The following TAB1 variants were observed in gnomAD, a reference collection of about 807,000 sequenced individuals.
TAB1 encodes TGF-beta activated kinase 1 (MAP3K7) binding protein 1, also known as TGF-beta-activated kinase 1 and MAP3K7-binding protein 1.
A neutral mutation model predicts 54.5 loss-of-function variants in TAB1; 30 were observed. That is an observed-to-expected ratio of 0.55 (90% CI 0.41 to 0.75). The LOEUF (loss-of-function observed/expected upper bound fraction) is 0.75. Ranked by LOEUF, TAB1 falls within the 30% of genes least tolerant of loss-of-function variation. The pLI is 0.00. For missense variants in TAB1, 609 were observed against 683.2 expected (o/e 0.89, Z 1.21); for synonymous variants, 289 against 286.9 (o/e 1.01, Z -0.07).
intron 6 of TAB1, among the ~76,000 whole-genome samples, chr22:39,419,129 C>T (rs1315813895): frequency 6.6e-6 from 1 of 152,212 alleles, no homozygotes; most frequent in Non-Finnish European, 1.5e-5. Flanking sequence ...GAGTGCCTGG[C>T]ACACAGAAGA....
intron 6 of TAB1, 136 bp from the exon 7 acceptor site, chr22:39,419,383 A>C: frequency 4.7e-6 from 3 of 641,732 alleles, no homozygotes; most frequent in Non-Finnish European, 7.9e-6. Context: ...CTGCTCTCCC[A>C]GGTGCCCTGG....
downstream of TAB1, chr22:39,433,174 G>C (rs972007118): frequency 1.0e-6 from 1 of 985,406 alleles, no homozygotes; most frequent in Non-Finnish European, 1.2e-6. Context: ...AGTCTCGGCC[G>C]GGCGCGGTGG....
In TAB1 at chr22:39,416,626, C is replaced by T. The variant is rs1926844582; in HGVS notation, c.325-165C>T. The T allele has an allele frequency of 1.0e-5, 7 of 679,700 alleles. No homozygotes were observed. The Admixed American group carries it at 1.4e-4, about 14-fold the overall frequency. The allele number at this position is 679,700 out of a possible 1,614,324, so 42.1% of individuals were successfully genotyped here. A position where few individuals can be genotyped will look rare whatever the true frequency, so the allele number is the denominator to read the frequency against. On this transcript the variant is annotated intron_variant, in intron 3 of 10. Coordinates refer to ENST00000216160, the MANE Select transcript of TAB1 (RefSeq NM_006116.3). ...ATTGATCTGCAGGAAGCAGCCGGTG[C>T]CTTGCAGTGCTGGGCCAGAGGCAGG...
At chr22:39,409,045 G>A (rs771029859) in intron 1 of TAB1, among the ~76,000 whole-genome samples, 2 of 152,194 alleles carry the variant, frequency 1.3e-5, no homozygotes, top group Non-Finnish European at 2.9e-5. Flanking sequence ...ATGAGAGGAT[G>A]AGTTCATCTT....
chr22:39,431,394 C>G lies in TAB1; in HGVS notation c.*1172C>G, dbSNP rs1198962407. 1 of 985,406 alleles carries G rather than the reference C, an allele frequency of 1.0e-6. No homozygotes were observed. The highest frequency in any genetic ancestry group is 1.2e-6 in the Non-Finnish European group (1 of 830,010). 61.0% of individuals were successfully genotyped at this position (985,406 alleles called of 1,614,324 possible). On this transcript the variant is annotated 3_prime_UTR_variant, in exon 11 of 11. Coordinates refer to ENST00000216160, the MANE Select transcript of TAB1 (RefSeq NM_006116.3). Reference sequence around the variant, plus strand: ...CCAAGCCACACAATCAGTGGGGCAGCCAGAGCTCAGACCTGAGCCATTTTG... The same window carrying G: ...CCAAGCCACACAATCAGTGGGGCAGGCAGAGCTCAGACCTGAGCCATTTTG...
At chr22:39,424,213 A>G (rs949053938) in intron 8 of TAB1, among the ~76,000 whole-genome samples, 1 of 152,210 alleles carries the variant, frequency 6.6e-6, no homozygotes, top group Non-Finnish European at 1.5e-5. Flanking sequence ...TCCATAGTTT[A>G]TAGATACATT....
intron 1 of TAB1, among the ~76,000 whole-genome samples, chr22:39,405,171 G>C (rs183325565): frequency 1.3e-5 from 2 of 152,322 alleles, no homozygotes; most frequent in Admixed American, 1.3e-4. Context: ...AGATGAGTCT[G>C]TGTGGGTACT....
chr22:39,433,685 C>T (rs539118005), downstream of TAB1: 122 of 985,424 alleles, frequency 1.2e-4, no homozygotes, highest in African/African-American at 2.1e-3. Context: ...GCAGAGCAGG[C>T]TCCCCACGAT....
intron 9 of TAB1, among the ~76,000 whole-genome samples, chr22:39,427,208 T>C (rs890996956): frequency 6.6e-6 from 1 of 152,230 alleles, no homozygotes; most frequent in Non-Finnish European, 1.5e-5. Context: ...ATAGAGATGA[T>C]GGCCACCACT....
At chr22:39,424,249 GCCACTTAGGCTGGTT>G (rs747291009) in intron 8 of TAB1, among the ~76,000 whole-genome samples, 12 of 152,078 alleles carry the variant, frequency 7.9e-5, no homozygotes, top group Non-Finnish European at 1.3e-4. Context: ...TTAGTCAATG[GCCACTTAGGCTGGTT>G]CCACATCTTT....
At chr22:39,418,099 G>T (rs73885214) in intron 5 of TAB1, among the ~76,000 whole-genome samples, 9 of 152,154 alleles carry the variant, frequency 5.9e-5, no homozygotes, top group Admixed American at 3.9e-4. Flanking sequence ...TGGACGAGTC[G>T]TATCCCATTC....
downstream of TAB1, chr22:39,431,921 C>T (rs1012316861): frequency 3.1e-5 from 30 of 976,124 alleles, no homozygotes; most frequent in Admixed American, 6.2e-5. Flanking sequence ...TCGCAGTGGC[C>T]CTGGGAAGTG....
At chr22:39,420,928 T>TG (rs1569199384) in intron 7 of TAB1, among the ~76,000 whole-genome samples, 12 of 82,092 alleles carry the variant, frequency 1.5e-4, no homozygotes, top group Non-Finnish European at 2.3e-4. Context: ...GTGTGTGTGT[T>TG]TGTCCTGGGG....
chr22:39,406,481 T>C (rs998727016), intron 1 of TAB1, among the ~76,000 whole-genome samples: 8 of 151,214 alleles, frequency 5.3e-5, no homozygotes, highest in African/African-American at 1.9e-4. Context: ...GGTTTGGGAA[T>C]CATGGGCCTC....
At chr22:39,417,974 C>T (rs1006713757) in intron 5 of TAB1, 125 bp downstream of exon 5, 5 of 1,263,298 alleles carry the variant, frequency 4.0e-6, no homozygotes, top group Admixed American at 3.0e-5. Context: ...CTCCTGAGAC[C>T]GTTGGGTATG....
At chr22:39,411,520 A>T (rs116753874) in intron 1 of TAB1, among the ~76,000 whole-genome samples, 172 of 152,354 alleles carry the variant, frequency 1.1e-3, no homozygotes, top group African/African-American at 3.9e-3. Flanking sequence ...GGAAGTGCAG[A>T]TTAAAGTCAC....
chr22:39,434,384 C>T (rs974914859), downstream of TAB1, among the ~76,000 whole-genome samples: 5 of 152,280 alleles, frequency 3.3e-5, no homozygotes, highest in African/African-American at 1.2e-4. Flanking sequence ...GTTCTGGCCT[C>T]TTCACAGCCG....
At position 39,415,176 on chromosome 22, in the gene TAB1, G is replaced by A. The variant is rs535718723; in HGVS notation, c.170+34G>A. ...GCCAGCATTTCTGTGTTGGGCCCGG[G>A]GAGTTGGTTGGTTTGCAAGCAAGGA... On this transcript the variant is annotated intron_variant, in intron 2 of 10. Coordinates refer to ENST00000216160, the MANE Select transcript of TAB1 (RefSeq NM_006116.3). The surrounding 1 kb of genome is among the most constrained non-coding windows in gnomAD (Gnocchi z 4.9). 7.6e-5 allele frequency: 117 copies of A among 1,538,272 alleles called. 1 individual carries two copies. The South Asian group carries it at 1.3e-3, about 17-fold the overall frequency.
intron 7 of TAB1, among the ~76,000 whole-genome samples, chr22:39,420,382 A>AC (rs1927016388): frequency 6.6e-6 from 1 of 152,314 alleles, no homozygotes; most frequent in Non-Finnish European, 1.5e-5. Flanking sequence ...CCGTCAGGTA[A>AC]CCTGTATGTG....
Sources: gnomAD v4.1 joint callset for allele counts (sites outside exome capture counted in the v4.1 genomes callset) on GRCh38, gnomAD v4.1.1 for gene constraint, Gnocchi (gnomAD v3.1) non-coding constraint, MANE v1.5 for transcripts, NCBI Gene and HGNC (gene_info 2026-07-23, HGNC 2026-07-21) for gene names.